The following ST6GALNAC3 variants were observed in gnomAD, a reference collection of about 807,000 sequenced individuals.
ST6GALNAC3 encodes the protein alpha-N-acetylgalactosaminide alpha-2,6-sialyltransferase 3.
A neutral mutation model predicts 32.7 loss-of-function variants in ST6GALNAC3; 25 were observed. The ratio of observed to expected loss-of-function variants is 0.76; its 90% confidence interval spans 0.56 to 1.07. The LOEUF (loss-of-function observed/expected upper bound fraction) is 1.07, where lower values mean the gene tolerates loss of function less well. Ranked by LOEUF, ST6GALNAC3 falls within the 50% of genes least tolerant of loss-of-function variation. ST6GALNAC3 has a pLI of 0.00. For missense variants in ST6GALNAC3, 355 were observed against 382.4 expected (o/e 0.93, Z 0.60); for synonymous variants, 129 against 133.1 (o/e 0.97, Z 0.21).
chr1:76,219,096 C>T (rs1290574396), intron 1 of ST6GALNAC3, among the ~76,000 whole-genome samples: 3 of 152,122 alleles, frequency 2.0e-5, no homozygotes, highest in African/African-American at 4.8e-5. Flanking sequence ...TTTGAACCTA[C>T]GGAGATTCTC....
chr1:76,636,036 GTTGT>G (rs1321540010), downstream of ST6GALNAC3, among the ~76,000 whole-genome samples: 1 of 152,164 alleles, frequency 6.6e-6, no homozygotes, highest in Non-Finnish European at 1.5e-5. Flanking sequence ...CTATGGGTGA[GTTGT>G]TTGTTTTGAT....
chr1:76,136,584 A>T (rs1016319503), intron 1 of ST6GALNAC3, among the ~76,000 whole-genome samples: 1 of 152,106 alleles, frequency 6.6e-6, no homozygotes, highest in East Asian at 1.9e-4. Flanking sequence ...TGTGCATAAA[A>T]TATTCCTTTT....
At chr1:76,478,952 A>G (rs1263862951) in intron 3 of ST6GALNAC3, among the ~76,000 whole-genome samples, 4 of 151,332 alleles carry the variant, frequency 2.6e-5, no homozygotes, top group African/African-American at 7.3e-5. Flanking sequence ...TTTAGTAGAG[A>G]CGGGGTTTCA....
intron 3 of ST6GALNAC3, among the ~76,000 whole-genome samples, chr1:76,421,854 C>T (rs181944248): frequency 6.6e-6 from 1 of 151,920 alleles, no homozygotes; most frequent in East Asian, 1.9e-4. Context: ...GCTCAAAATC[C>T]TGCAATAGTC....
At chr1:76,171,302 A>C (rs1311973555) in intron 1 of ST6GALNAC3, among the ~76,000 whole-genome samples, 1 of 152,144 alleles carries the variant, frequency 6.6e-6, no homozygotes, top group African/African-American at 2.4e-5. Context: ...AACTTCTTTT[A>C]ATTTTGTGCT....
chr1:76,481,992 C>T (rs1659753994), intron 3 of ST6GALNAC3, among the ~76,000 whole-genome samples: 1 of 152,090 alleles, frequency 6.6e-6, no homozygotes, highest in Admixed American at 6.6e-5. Context: ...AGTTCTGTGG[C>T]AAGTTTCACA....
chr1:76,173,298 C>T (rs931602287), intron 1 of ST6GALNAC3, among the ~76,000 whole-genome samples: 4 of 152,314 alleles, frequency 2.6e-5, no homozygotes, highest in East Asian at 1.9e-4. Context: ...AAAACTGAAG[C>T]TGGACCCCTT....
chr1:76,613,025 A>C (rs1373338896), intron 3 of ST6GALNAC3, among the ~76,000 whole-genome samples: 7 of 152,224 alleles, frequency 4.6e-5, no homozygotes, highest in Non-Finnish European at 1.0e-4. Context: ...GCATGGGGGC[A>C]ACCAAAAGCA....
chr1:76,315,669 G>A (rs146772210), intron 2 of ST6GALNAC3, among the ~76,000 whole-genome samples: 2 of 152,264 alleles, frequency 1.3e-5, no homozygotes, highest in African/African-American at 4.8e-5. Context: ...CATGGTTTGA[G>A]AGTCAGTTCT....
At position 76,353,129 on chromosome 1, in the gene ST6GALNAC3, G is replaced by C. The variant is rs75800674; in HGVS notation, c.213+39130G>C. Among the ~76,000 whole-genome samples, 1,295 of 152,220 alleles carry C rather than the reference G, an allele frequency of 8.5e-3. 24 individuals carry two copies. The highest frequency in any genetic ancestry group is 0.029 in the African/African-American group (1,217 of 41,554). On this transcript the variant is annotated intron_variant, in intron 2 of 4. Coordinates refer to ENST00000328299, the MANE Select transcript of ST6GALNAC3 (RefSeq NM_152996.4). The stretch of plus-strand genomic sequence containing the variant: ...CTTTATTGGGCTTTCACTGCAGTCA[G>C]AATAAACACTGAACTCTGTATCATG...
chr1:76,259,787 G>A (rs1658121337), intron 1 of ST6GALNAC3, among the ~76,000 whole-genome samples: 1 of 152,072 alleles, frequency 6.6e-6, no homozygotes, highest in South Asian at 2.1e-4. Flanking sequence ...CACTGTTGAT[G>A]AGCTTGTATT....
intron 3 of ST6GALNAC3, among the ~76,000 whole-genome samples, chr1:76,416,279 G>A (rs1333680352): frequency 6.6e-5 from 10 of 152,072 alleles, no homozygotes; most frequent in Non-Finnish European, 1.0e-4. Context: ...CATCACTGAA[G>A]TCATGAGGAA....
chr1:76,199,994 C>T (rs904757336), intron 1 of ST6GALNAC3, among the ~76,000 whole-genome samples: 8 of 152,130 alleles, frequency 5.3e-5, no homozygotes, highest in Admixed American at 2.0e-4. Context: ...TTTGTGTATT[C>T]AAATGGAAAA....
chr1:76,095,685 T>C (rs949063286), intron 1 of ST6GALNAC3, among the ~76,000 whole-genome samples: 1 of 152,206 alleles, frequency 6.6e-6, no homozygotes, highest in Non-Finnish European at 1.5e-5. Flanking sequence ...ATAAATACTA[T>C]TATTATTTTC....
intron 3 of ST6GALNAC3, among the ~76,000 whole-genome samples, chr1:76,505,793 T>C (rs1358945320): frequency 6.6e-6 from 1 of 152,144 alleles, no homozygotes; most frequent in Non-Finnish European, 1.5e-5. Flanking sequence ...CTTTCACCTT[T>C]GCTAATCTTA....
At position 76,219,612 on chromosome 1, in the gene ST6GALNAC3, G is replaced by C. The variant is rs557566234; in HGVS notation, c.19-94193G>C. ...CACATGGCGATTTTCCTGGCGATCA[G>C]GGGCCCTAAATGGTGAAAGGGTTTT... On this transcript the variant is annotated intron_variant, in intron 1 of 4. Transcript: ENST00000328299. Among the ~76,000 whole-genome samples the C allele has an allele frequency of 1.6e-3, 237 of 152,340 alleles. 1 individual carries two copies. The highest frequency in any genetic ancestry group is 5.1e-3 in the African/African-American group (210 of 41,584).
chr1:76,602,356 C>T (rs1647274380), intron 3 of ST6GALNAC3, among the ~76,000 whole-genome samples: 1 of 151,648 alleles, frequency 6.6e-6, no homozygotes. Flanking sequence ...TGTGCCTGTG[C>T]ATGTAGAAGA....
intron 3 of ST6GALNAC3, among the ~76,000 whole-genome samples, chr1:76,540,205 A>T (rs1663903445): frequency 6.6e-6 from 1 of 152,166 alleles, no homozygotes; most frequent in Non-Finnish European, 1.5e-5. Context: ...TTTCCTTTGC[A>T]GGGACATGGA....
chr1:76,512,842 T>C (rs528833227), intron 3 of ST6GALNAC3, among the ~76,000 whole-genome samples: 35 of 152,282 alleles, frequency 2.3e-4, no homozygotes, highest in Non-Finnish European at 4.6e-4. Flanking sequence ...ACAGCCATTC[T>C]AAATGGAGCA....
Sources: gnomAD v4.1 joint callset for allele counts (sites outside exome capture counted in the v4.1 genomes callset) on GRCh38, gnomAD v4.1.1 for gene constraint, MANE v1.5 for transcripts, NCBI Gene and HGNC (gene_info 2026-07-23, HGNC 2026-07-21) for gene names.